Variants in KLRG1 observed in about 807,000 individuals in gnomAD.
KLRG1 encodes killer cell lectin like receptor G1, also known as killer cell lectin-like receptor subfamily G member 1.
KLRG1 carries 16 observed loss-of-function variants against 21.8 expected under a neutral mutation model. The ratio of observed to expected loss-of-function variants is 0.73; its 90% CI spans 0.50 to 1.11. KLRG1 has a LOEUF of 1.11. Ranked by LOEUF, KLRG1 falls within the 50% of genes most tolerant of loss-of-function variation. KLRG1 has a pLI of 0.00. For missense variants in KLRG1, 173 were observed against 218.3 expected (o/e 0.79, Z 1.31); for synonymous variants, 69 against 75.9 (o/e 0.91, Z 0.47).
chr12:9,204,208 C>A, the KLRG1 span, among the ~76,000 whole-genome samples: 1 of 152,162 alleles, frequency 6.6e-6, no homozygotes, highest in Non-Finnish European at 1.5e-5. Flanking sequence ...ATTTCACAGG[C>A]ATTCCTTGCT....
At chr12:9,096,840 A>G in the KLRG1 span, among the ~76,000 whole-genome samples, 3 of 152,158 alleles carry the variant, frequency 2.0e-5, no homozygotes, top group African/African-American at 7.2e-5. Context: ...GTTCCATGAG[A>G]CATACATTTT....
At chr12:8,983,925 T>G (rs1946801495) in intron 1 of KLRG1, among the ~76,000 whole-genome samples, 1 of 152,214 alleles carries the variant, frequency 6.6e-6, no homozygotes, top group African/African-American at 2.4e-5. Context: ...AGTGAGTTTC[T>G]TATACCTGTA....
chr12:8,987,899 T>G (rs1592259928), upstream of KLRG1, among the ~76,000 whole-genome samples: 1 of 152,362 alleles, frequency 6.6e-6, no homozygotes, highest in East Asian at 1.9e-4. Context: ...TGCCTTCATA[T>G]TAAGGGCGTG....
the KLRG1 span, among the ~76,000 whole-genome samples, chr12:9,124,756 G>T: frequency 6.6e-6 from 1 of 152,216 alleles, no homozygotes; most frequent in South Asian, 2.1e-4. Flanking sequence ...TCCAATCTTG[G>T]GGCTGAGCCC....
At chr12:9,194,142 C>G in the KLRG1 span, 1 of 1,613,998 alleles carries the variant, frequency 6.2e-7, no homozygotes, top group Middle Eastern at 1.6e-4. Flanking sequence ...AGACCCTGCT[C>G]ATTGGTGGTT....
chr12:9,027,964 C>T, the KLRG1 span: 1 of 964,176 alleles, frequency 1.0e-6, no homozygotes, highest in African/African-American at 1.6e-5. Context: ...TTCCTAACTT[C>T]ACAGTTGTGG....
chr12:8,988,782 A>G (rs1471231052), upstream of KLRG1, among the ~76,000 whole-genome samples: 1 of 152,058 alleles, frequency 6.6e-6, no homozygotes, highest in Non-Finnish European at 1.5e-5. Context: ...GGGTTTCACC[A>G]TGTTGGCCAG....
the KLRG1 span, among the ~76,000 whole-genome samples, chr12:9,048,809 C>G: frequency 2.0e-4 from 31 of 152,274 alleles, no homozygotes; most frequent in African/African-American, 7.2e-4. Flanking sequence ...TACTCCTAGT[C>G]ATCATTGTCC....
chr12:9,091,576 A>G, the KLRG1 span: 1 of 822,292 alleles, frequency 1.2e-6, no homozygotes. Context: ...AAGGATTGAG[A>G]TGGGAATATA....
chr12:9,008,947 CT>C, intron 3 of KLRG1, 27 bp from the exon 4 acceptor site: 3 of 1,499,438 alleles, frequency 2.0e-6, no homozygotes, highest in Non-Finnish European at 2.8e-6. Context: ...CACTAGGTCC[CT>C]TTTTTGGTTT....
the KLRG1 span, chr12:9,090,345 T>G: frequency 6.2e-7 from 1 of 1,613,930 alleles, no homozygotes; most frequent in South Asian, 1.1e-5. Flanking sequence ...CTCTAGCAGT[T>G]TTTTGCTCAC....
At chr12:9,075,436 T>C in the KLRG1 span, among the ~76,000 whole-genome samples, 1 of 152,248 alleles carries the variant, frequency 6.6e-6, no homozygotes, top group Middle Eastern at 3.4e-3. Context: ...TTTTTTTTAA[T>C]AGCAAAACAT....
At chr12:9,005,260 A>G (rs775832395) in intron 3 of KLRG1, among the ~76,000 whole-genome samples, 2 of 152,152 alleles carry the variant, frequency 1.3e-5, no homozygotes, top group Non-Finnish European at 1.5e-5. Flanking sequence ...GTAGGTGACT[A>G]GTTGATGGGT....
the KLRG1 span, chr12:9,204,013 A>G: frequency 2.1e-6 from 3 of 1,445,276 alleles, no homozygotes; most frequent in Admixed American, 2.0e-5. Context: ...TTCATCCATA[A>G]ATGTGTTTTC....
the KLRG1 span, chr12:9,164,224 T>C: frequency 6.2e-7 from 1 of 1,612,800 alleles, no homozygotes; most frequent in South Asian, 1.1e-5. Context: ...TTTGGGAAGC[T>C]AGGAAGGCTG....
chr12:9,027,956 C>T, the KLRG1 span: 3 of 944,238 alleles, frequency 3.2e-6, no homozygotes, highest in South Asian at 1.3e-5. Context: ...ACAGTGCTTT[C>T]CTAACTTCAC....
the KLRG1 span, among the ~76,000 whole-genome samples, chr12:9,055,204 A>AATTG: frequency 2.6e-5 from 4 of 152,200 alleles, no homozygotes; most frequent in Non-Finnish European, 4.4e-5. Flanking sequence ...CTTATTAATT[A>AATTG]ATTGATTGAT....
At chr12:8,975,787 C>A (rs1285339557) in intron 1 of KLRG1, among the ~76,000 whole-genome samples, 2 of 152,166 alleles carry the variant, frequency 1.3e-5, no homozygotes, top group Non-Finnish European at 2.9e-5. Context: ...GTCTTGAACT[C>A]CTGACCTCAG....
rs11048249 is a variant in KLRG1, at chr12:8,959,648, G to C, written c.-156+9412G>C. Among the ~76,000 whole-genome samples the C allele has an allele frequency of 2.9e-3, 443 of 152,214 alleles. 22 individuals are homozygous for C. The East Asian group carries it at 0.077, about 26-fold the overall frequency. ...TTGTTTTTTTCAGGGCAGCAGGCAA[G>C]AAGAACCCCTCGGGCTATGACAAAT... On this transcript the variant is annotated intron_variant, in intron 1 of 4. Coordinates refer to the KLRG1 transcript ENST00000539240.
Sources: allele counts gnomAD v4.1 joint callset (sites outside exome capture counted in the v4.1 genomes callset), GRCh38; gene constraint gnomAD v4.1.1; transcripts MANE v1.5; gene names NCBI Gene and HGNC (gene_info 2026-07-23, HGNC 2026-07-21).